Variants in FGGY observed in about 807,000 individuals in gnomAD.
The protein encoded by FGGY is FGGY carbohydrate kinase domain-containing protein.
Under a neutral mutation model 71.3 loss-of-function variants are expected in FGGY, and 72 were observed. That is an observed-to-expected ratio of 1.01 (90% confidence interval 0.84 to 1.23). FGGY has a LOEUF of 1.23. Among genes scored for constraint, FGGY ranks in the 50% most tolerant of loss-of-function variants. FGGY has a pLI of 0.00. For missense variants in FGGY, 668 were observed against 682.3 expected (o/e 0.98, Z 0.23); for synonymous variants, 251 against 250.3 (o/e 1.00, Z -0.02).
At chr1:59,330,608 C>T (rs971584136) in intron 2 of FGGY, among the ~76,000 whole-genome samples, 2 of 151,870 alleles carry the variant, frequency 1.3e-5, no homozygotes, top group Non-Finnish European at 2.9e-5. Flanking sequence ...GGAGACCTCC[C>T]TACTTCTACC....
At chr1:59,654,900 T>C (rs897108807) in intron 11 of FGGY, among the ~76,000 whole-genome samples, 1 of 152,210 alleles carries the variant, frequency 6.6e-6, no homozygotes, top group African/African-American at 2.4e-5. Context: ...CTGTCTCTTC[T>C]TTTTATAGTG....
chr1:59,476,689 T>C (rs2093280128), intron 6 of FGGY, among the ~76,000 whole-genome samples: 1 of 152,274 alleles, frequency 6.6e-6, no homozygotes, highest in African/African-American at 2.4e-5. Flanking sequence ...TTTTGGGTTT[T>C]CTCATCAAAT....
intron 7 of FGGY, among the ~76,000 whole-genome samples, chr1:59,537,220 C>G (rs1358468270): frequency 2.6e-5 from 4 of 151,660 alleles, no homozygotes; most frequent in Non-Finnish European, 5.9e-5. Flanking sequence ...AACAGAGATC[C>G]AAATCATGAG....
At chr1:59,458,286 G>T (rs1041485020) in intron 6 of FGGY, among the ~76,000 whole-genome samples, 3 of 152,134 alleles carry the variant, frequency 2.0e-5, no homozygotes, top group Non-Finnish European at 4.4e-5. Context: ...TCACTAGACT[G>T]TGAGCTGTTT....
chr1:59,715,619 T>G (rs1037358859), intron 14 of FGGY, among the ~76,000 whole-genome samples: 1 of 152,228 alleles, frequency 6.6e-6, no homozygotes, highest in Non-Finnish European at 1.5e-5. Flanking sequence ...ATGTCAGATC[T>G]TGGAGAAACT....
In FGGY at chr1:59,370,627, A is replaced by C. The variant is rs532839367; in HGVS notation, c.466-8122A>C. ...TGTCAGATTCACCAAAGTTGAAATGAAGGAAAAAATGTTAAGGGCAGCCAG... is the reference window on the plus strand; with the variant it reads ...TGTCAGATTCACCAAAGTTGAAATGCAGGAAAAAATGTTAAGGGCAGCCAG... On this transcript the variant is annotated intron_variant, in intron 4 of 15. Transcript: ENST00000303721. 3.2e-4 allele frequency among the ~76,000 whole-genome samples: 48 copies of C among 152,014 alleles called. 1 individual carries two copies. In the South Asian group the frequency reaches 0.01, roughly 32 times the overall value.
At chr1:59,677,996 C>A (rs1439419686) in intron 14 of FGGY, among the ~76,000 whole-genome samples, 1 of 152,184 alleles carries the variant, frequency 6.6e-6, no homozygotes, top group Non-Finnish European at 1.5e-5. Flanking sequence ...AATACAATGA[C>A]TAATACTATC....
At position 59,321,871 on chromosome 1, in the gene FGGY, G is replaced by A. The variant is rs2046453384; in HGVS notation, c.201+121G>A. On this transcript the variant is annotated intron_variant, in intron 2 of 15. Transcript: ENST00000303721. ...AGATGCAGAGGTAAGCAAGACATAG[G>A]CCTTGCCCTTCAGGAGCTCACAGTC... 5 of 958,844 alleles carry A rather than the reference G, an allele frequency of 5.2e-6. No homozygotes were observed. In the South Asian group the frequency reaches 6.4e-5, roughly 12 times the overall value. 59.4% of individuals were successfully genotyped at this position (958,844 alleles called of 1,614,324 possible). A position where few individuals can be genotyped will look rare whatever the true frequency, so the allele number is the denominator to read the frequency against.
intron 9 of FGGY, among the ~76,000 whole-genome samples, chr1:59,609,765 C>G (rs184024718): frequency 1.3e-5 from 2 of 152,340 alleles, no homozygotes; most frequent in Admixed American, 1.3e-4. Context: ...ATGACTGCCT[C>G]AAATTCTCTT....
rs771642316 is a variant in FGGY at position 59,378,809 on chromosome 1, T to C, written c.526T>C (p.Ser176Pro). 2.0e-5 allele frequency: 33 copies of C among 1,613,606 alleles called. No individual in the cohort carries two copies. Among genetic ancestry groups the C allele is most frequent in the Admixed American group, 1.2e-4 (7 of 59,946 alleles). ...GHFFDLPDFL[S>P]WKATGVTARS... ...TTTCTTTGATCTCCCGGACTTCTTA[T>C]CGTGGAAGGCAACAGGTGTCACAGC... Residue 176 changes from serine to proline, a missense_variant, in exon 5 of 16, where the codon TCG (serine) becomes CCG (proline). Transcript: ENST00000303721.
chr1:59,309,466 A>G (rs1209587575), intron 1 of FGGY, among the ~76,000 whole-genome samples: 1 of 152,134 alleles, frequency 6.6e-6, no homozygotes, highest in Non-Finnish European at 1.5e-5. Context: ...GCAGGGAGCT[A>G]AGGTTAGAAA....
At chr1:59,405,873 C>A (rs1272298830) in intron 5 of FGGY, among the ~76,000 whole-genome samples, 1 of 151,926 alleles carries the variant, frequency 6.6e-6, no homozygotes, top group East Asian at 1.9e-4. Context: ...CGATGATCTC[C>A]CGTTAGGCTA....
intron 6 of FGGY, among the ~76,000 whole-genome samples, chr1:59,508,235 A>G (rs1011529290): frequency 1.3e-5 from 2 of 152,166 alleles, no homozygotes; most frequent in Non-Finnish European, 1.5e-5. Context: ...CATTTTCTAC[A>G]TGGCCCTAAG....
chr1:59,378,958 C>T (rs2059023004), intron 5 of FGGY, 121 bp downstream of exon 5: 1 of 758,628 alleles, frequency 1.3e-6, no homozygotes, highest in Admixed American at 2.4e-5. Context: ...TGTGATTTTG[C>T]ATACATGAAA....
intron 5 of FGGY, among the ~76,000 whole-genome samples, chr1:59,454,498 C>T (rs1470172815): frequency 6.6e-6 from 1 of 152,132 alleles, no homozygotes; most frequent in Non-Finnish European, 1.5e-5. Flanking sequence ...ATATTTATGC[C>T]ACTTAGCATA....
chr1:59,601,404 A>C (rs1418432384), intron 8 of FGGY, among the ~76,000 whole-genome samples: 1 of 152,204 alleles, frequency 6.6e-6, no homozygotes, highest in Non-Finnish European at 1.5e-5. Flanking sequence ...CTTAGATGAA[A>C]CTAAGCCAAT....
intron 9 of FGGY, among the ~76,000 whole-genome samples, chr1:59,610,768 G>C (rs955191804): frequency 6.6e-6 from 1 of 152,194 alleles, no homozygotes; most frequent in Non-Finnish European, 1.5e-5. Flanking sequence ...CCTAGCCAAG[G>C]AAAGCCATGA....
chr1:59,489,157 T>A lies in FGGY; in HGVS notation c.671-23154T>A, dbSNP rs532165283. Among the ~76,000 whole-genome samples, 5 of 152,286 alleles carry A rather than the reference T, an allele frequency of 3.3e-5. No homozygotes were observed. The South Asian group carries it at 1.0e-3, about 32-fold the overall frequency. On this transcript the variant is annotated intron_variant, in intron 6 of 15. Coordinates refer to ENST00000303721, the MANE Select transcript of FGGY (RefSeq NM_018291.5). ...GTACATAGTGATGTCACAGTACATA[T>A]AATGTGTAGTGATCGGGTCAGTGTA... is the stretch of plus-strand genomic sequence containing the variant.
chr1:59,497,820 T>C (rs2094091650), intron 6 of FGGY, among the ~76,000 whole-genome samples: 1 of 152,202 alleles, frequency 6.6e-6, no homozygotes, highest in African/African-American at 2.4e-5. Flanking sequence ...TGTTAGTACC[T>C]GCAACTCTGT....
Sources: gnomAD v4.1 joint callset for allele counts (sites outside exome capture counted in the v4.1 genomes callset) on GRCh38, gnomAD v4.1.1 for gene constraint, MANE v1.5 for transcripts, NCBI Gene and HGNC (gene_info 2026-07-23, HGNC 2026-07-21) for gene names.